Variants in ZFHX3 observed in about 807,000 individuals in gnomAD.
ZFHX3 encodes zinc finger homeobox protein 3.
ZFHX3 carries 42 observed loss-of-function variants against 279.1 expected under a neutral mutation model. The ratio of observed to expected loss-of-function variants is 0.15; its 90% CI spans 0.12 to 0.19. The LOEUF (loss-of-function observed/expected upper bound fraction) is 0.19, where lower values mean the gene tolerates loss of function less well. Ranked by LOEUF, ZFHX3 falls within the 10% of genes least tolerant of loss-of-function variation. The pLI is 1.00. For missense variants in ZFHX3, 4,981 were observed against 4,754.0 expected (o/e 1.05, Z -1.40); for synonymous variants, 2,293 against 1,957.8 (o/e 1.17, Z -4.52).
intron 5 of ZFHX3, among the ~76,000 whole-genome samples, chr16:73,155,499 GC>G (rs1404380017): frequency 6.6e-6 from 1 of 152,114 alleles, no homozygotes; most frequent in East Asian, 1.9e-4. Context: ...TTAAACAAGT[GC>G]TAGTGATATA....
chr16:72,965,537 G>C (rs530617554), intron 1 of ZFHX3, among the ~76,000 whole-genome samples: 1 of 152,154 alleles, frequency 6.6e-6, no homozygotes, highest in Non-Finnish European at 1.5e-5. Flanking sequence ...ATATTCATTC[G>C]TTCAGCATTT....
chr16:73,091,141 G>A (rs1966075154), intron 8 of ZFHX3, among the ~76,000 whole-genome samples: 1 of 151,746 alleles, frequency 6.6e-6, no homozygotes, highest in South Asian at 2.1e-4. Flanking sequence ...AACCCGGGAG[G>A]TGGGGCTTGC....
intron 1 of ZFHX3, among the ~76,000 whole-genome samples, chr16:73,006,805 G>A (rs1202040942): frequency 6.6e-6 from 1 of 152,084 alleles, no homozygotes; most frequent in Admixed American, 6.6e-5. Context: ...TCAAGTCCCT[G>A]ATATAAAACA....
intron 5 of ZFHX3, among the ~76,000 whole-genome samples, chr16:73,180,849 G>C (rs1967774487): frequency 6.6e-6 from 1 of 152,004 alleles, no homozygotes; most frequent in South Asian, 2.1e-4. Context: ...TTCTAGTTGA[G>C]ACAGGGTTTC....
intron 5 of ZFHX3, among the ~76,000 whole-genome samples, chr16:73,253,327 G>A (rs1567431482): frequency 6.6e-6 from 1 of 152,156 alleles, no homozygotes; most frequent in Admixed American, 6.5e-5. Context: ...TTGCAATAAA[G>A]ACTGTGAGAA....
chr16:73,457,897 T>A (rs971422728), intron 2 of ZFHX3, among the ~76,000 whole-genome samples: 19 of 152,022 alleles, frequency 1.2e-4, no homozygotes, highest in Admixed American at 5.9e-4. Flanking sequence ...TTGATTGGAG[T>A]TCCTTTCCAT....
intron 1 of ZFHX3, among the ~76,000 whole-genome samples, chr16:73,819,681 G>C (rs1960678831): frequency 6.6e-6 from 1 of 152,102 alleles, no homozygotes. Context: ...AGAAAAATTA[G>C]CCACCATAAG....
intron 4 of ZFHX3, among the ~76,000 whole-genome samples, chr16:73,317,046 G>A (rs1049566799): frequency 6.6e-6 from 1 of 152,116 alleles, no homozygotes; most frequent in African/African-American, 2.4e-5. Context: ...CACAGGAGAC[G>A]TGAGATGGGC....
intron 1 of ZFHX3, among the ~76,000 whole-genome samples, chr16:73,055,694 GCGCGCACACACACACACACACA>G (rs1041194472): frequency 2.1e-4 from 29 of 138,040 alleles, no homozygotes; most frequent in Non-Finnish European, 4.2e-4. Flanking sequence ...GCGCGCGCGC[GCGCGCACACACACACACACACA>G]CACACATACA....
intron 2 of ZFHX3, among the ~76,000 whole-genome samples, chr16:73,483,715 A>G (rs906657122): frequency 6.6e-6 from 1 of 152,130 alleles, no homozygotes; most frequent in African/African-American, 2.4e-5. Flanking sequence ...GCAAATATCG[A>G]CAAAGGCTCG....
At chr16:73,835,099 A>T (rs1378392663) in intron 1 of ZFHX3, among the ~76,000 whole-genome samples, 1 of 152,186 alleles carries the variant, frequency 6.6e-6, no homozygotes, top group African/African-American at 2.4e-5. Context: ...TCCCCCAGCT[A>T]CCAAAAACAA....
At chr16:72,919,903 C>T (rs1283467594) in intron 3 of ZFHX3, among the ~76,000 whole-genome samples, 1 of 144,874 alleles carries the variant, frequency 6.9e-6, no homozygotes, top group Non-Finnish European at 1.5e-5. Context: ...AAGCGATTCT[C>T]CTGCCTCAGC....
chr16:73,873,378 A>G (rs1276822025), intron 1 of ZFHX3, among the ~76,000 whole-genome samples: 4 of 152,038 alleles, frequency 2.6e-5, no homozygotes, highest in Non-Finnish European at 5.9e-5. Context: ...AAAAGCAACA[A>G]GTTCATCAAC....
intron 4 of ZFHX3, among the ~76,000 whole-genome samples, chr16:72,840,414 G>A (rs1323395882): frequency 6.6e-6 from 1 of 152,186 alleles, no homozygotes; most frequent in Non-Finnish European, 1.5e-5. Context: ...TGGAGGGGCG[G>A]CCATGCAGGC....
chr16:73,248,642 T>A (rs1236735381), intron 5 of ZFHX3, among the ~76,000 whole-genome samples: 1 of 128,740 alleles, frequency 7.8e-6, no homozygotes, highest in African/African-American at 3.1e-5. Flanking sequence ...ATGTGGAGAA[T>A]GTATGTGTGT....
chr16:73,844,293 G>A (rs78699291), intron 1 of ZFHX3, among the ~76,000 whole-genome samples: 2 of 152,176 alleles, frequency 1.3e-5, no homozygotes, highest in African/African-American at 2.4e-5. Context: ...TGACTGGGGG[G>A]GTTGAACAGG....
intron 2 of ZFHX3, among the ~76,000 whole-genome samples, chr16:73,671,834 A>C (rs2052906994): frequency 6.6e-6 from 1 of 152,246 alleles, no homozygotes; most frequent in African/African-American, 2.4e-5. Context: ...TAAATATCAT[A>C]AAATAGCTGT....
chr16:72,933,523 C>T (rs1959935236), intron 3 of ZFHX3, among the ~76,000 whole-genome samples: 1 of 152,186 alleles, frequency 6.6e-6, no homozygotes, highest in Non-Finnish European at 1.5e-5. Context: ...CACCACCCAG[C>T]TGCTGAAATT....
chr16:73,426,758 G>A (rs758000119), intron 3 of ZFHX3, among the ~76,000 whole-genome samples: 1 of 152,172 alleles, frequency 6.6e-6, no homozygotes, highest in Non-Finnish European at 1.5e-5. Flanking sequence ...ATGTAAATGT[G>A]GGGAAAGCAG....
Sources: allele counts gnomAD v4.1 joint callset (sites outside exome capture counted in the v4.1 genomes callset), GRCh38; gene constraint gnomAD v4.1.1; transcripts MANE v1.5; gene names NCBI Gene and HGNC (gene_info 2026-07-23, HGNC 2026-07-21).